CPNE8: variants seen among roughly 807,000 people sequenced by gnomAD.
CPNE8 encodes copine-8.
Under a neutral mutation model 81.5 loss-of-function variants are expected in CPNE8, and 45 were observed. That is an observed-to-expected ratio of 0.55 (90% CI 0.44 to 0.71). The LOEUF (loss-of-function observed/expected upper bound fraction) is 0.71. Ranked by LOEUF, CPNE8 falls within the 30% of genes least tolerant of loss-of-function variation. CPNE8 has a pLI of 0.00. For missense variants in CPNE8, 594 were observed against 672.1 expected, an observed-to-expected ratio of 0.88 and a Z score of 1.28; for synonymous variants, 252 against 226.3, an observed-to-expected ratio of 1.11 and a Z score of -1.02.
Position 38,738,847 on chromosome 12 carries a change from T to G in CPNE8, c.723-8489A>C, listed in dbSNP as rs539179600. ...TTTTTTTTTTGAGACAGGGTCTTGC[T>G]CTGTTGCCCATACTGGAATGCAGTG... On this transcript the variant is annotated intron_variant, in intron 10 of 19. Coordinates refer to ENST00000331366, the MANE Select transcript of CPNE8 (RefSeq NM_153634.3). Among the ~76,000 whole-genome samples the G allele has an allele frequency of 3.4e-5, 5 of 147,916 alleles. No individual in the cohort carries two copies. In the East Asian group the frequency reaches 9.9e-4, roughly 29 times the overall value.
At chr12:38,745,105 G>T (rs1342520765) in intron 10 of CPNE8, among the ~76,000 whole-genome samples, 1 of 152,092 alleles carries the variant, frequency 6.6e-6, no homozygotes, top group African/African-American at 2.4e-5. Flanking sequence ...GTCATTACAG[G>T]CCTTCCACCA....
intron 6 of CPNE8, among the ~76,000 whole-genome samples, chr12:38,806,832 A>T (rs892203507): frequency 6.7e-6 from 1 of 149,934 alleles, no homozygotes; most frequent in Non-Finnish European, 1.5e-5. Context: ...TGCAGATGAC[A>T]TGCTGGTATA....
At chr12:38,832,887 A>C (rs1251330730) in intron 5 of CPNE8, among the ~76,000 whole-genome samples, 2 of 152,222 alleles carry the variant, frequency 1.3e-5, no homozygotes, top group Admixed American at 6.5e-5. Flanking sequence ...TAAAAAAGCA[A>C]GAATTTGTCT....
chr12:38,795,489 G>T (rs1430118057), intron 6 of CPNE8, among the ~76,000 whole-genome samples: 1 of 152,114 alleles, frequency 6.6e-6, no homozygotes, highest in Non-Finnish European at 1.5e-5. Context: ...TCTATCCACA[G>T]ATGAATGAAT....
intron 3 of CPNE8, among the ~76,000 whole-genome samples, chr12:38,849,106 TA>T (rs1333942072): frequency 2.0e-5 from 3 of 152,202 alleles, no homozygotes; most frequent in Admixed American, 2.0e-4. Context: ...TGCCGTTTAT[TA>T]GCCATGTTTT....
intron 6 of CPNE8, among the ~76,000 whole-genome samples, chr12:38,809,345 G>C (rs1262374088): frequency 1.3e-5 from 2 of 152,148 alleles, no homozygotes; most frequent in Non-Finnish European, 1.5e-5. Flanking sequence ...CAACAAGTAG[G>C]TTGAGTGCCT....
chr12:38,715,545 C>T (rs946391509), intron 13 of CPNE8, among the ~76,000 whole-genome samples: 4 of 151,832 alleles, frequency 2.6e-5, no homozygotes, highest in Non-Finnish European at 4.4e-5. Flanking sequence ...GAAAAACATA[C>T]GATCATCTCA....
intron 6 of CPNE8, among the ~76,000 whole-genome samples, chr12:38,798,210 T>A (rs1385297890): frequency 6.6e-6 from 1 of 152,054 alleles, no homozygotes; most frequent in African/African-American, 2.4e-5. Flanking sequence ...GCCACAAAGA[T>A]ACTCCTTGAG....
intron 13 of CPNE8, among the ~76,000 whole-genome samples, chr12:38,712,649 T>C (rs1253791870): frequency 1.3e-5 from 2 of 152,192 alleles, no homozygotes; most frequent in Non-Finnish European, 2.9e-5. Flanking sequence ...GCCTCCAAAA[T>C]AAGTAGTATC....
intron 1 of CPNE8, among the ~76,000 whole-genome samples, chr12:38,880,875 AG>A (rs2137120896): frequency 6.6e-6 from 1 of 152,236 alleles, no homozygotes; most frequent in South Asian, 2.1e-4. Flanking sequence ...TTCTATAGCA[AG>A]GGGAGCCAAA....
At chr12:38,677,691 A>G (rs1032479109) in intron 16 of CPNE8, 137 bp from the exon 17 acceptor site, 11 of 608,518 alleles carry the variant, frequency 1.8e-5, no homozygotes, top group Non-Finnish European at 3.2e-5. Flanking sequence ...TCTTATGCAA[A>G]CTTTCAAATA....
chr12:38,691,249 A>G (rs892790491), intron 15 of CPNE8, among the ~76,000 whole-genome samples: 3 of 152,154 alleles, frequency 2.0e-5, no homozygotes, highest in Non-Finnish European at 4.4e-5. Flanking sequence ...GTCCTTTGGG[A>G]CAATGGTTAA....
At chr12:38,827,609 T>C (rs918811885) in intron 6 of CPNE8, among the ~76,000 whole-genome samples, 3 of 152,160 alleles carry the variant, frequency 2.0e-5, no homozygotes, top group African/African-American at 7.2e-5. Context: ...TAAAATGTGG[T>C]AAATATACAA....
chr12:38,902,260 GAAAGAAAGAA>G (rs1565669773), intron 1 of CPNE8, among the ~76,000 whole-genome samples: 6 of 45,126 alleles, frequency 1.3e-4, no homozygotes, highest in Non-Finnish European at 3.5e-4. Context: ...AAAGAAAAAA[GAAAGAAAGAA>G]AAAGAAAAGA....
At chr12:38,807,910 AAAAC>A (rs1353634971) in intron 6 of CPNE8, among the ~76,000 whole-genome samples, 2 of 151,798 alleles carry the variant, frequency 1.3e-5, no homozygotes, top group Non-Finnish European at 2.9e-5. Context: ...TTACAAGAAA[AAAAC>A]AAACAACCCC....
At chr12:38,710,268 C>CAAAAAAAAAAAAAAA (rs57376063) in intron 13 of CPNE8, among the ~76,000 whole-genome samples, 18 of 50,282 alleles carry the variant, frequency 3.6e-4, no homozygotes, top group East Asian at 6.5e-4. Context: ...AATAAGCTAA[C>CAAAAAAAAAAAAAAA]AAAAAAAAAA....
chr12:38,659,637 A>G (rs962638821), intron 19 of CPNE8, among the ~76,000 whole-genome samples: 10 of 152,236 alleles, frequency 6.6e-5, no homozygotes, highest in Admixed American at 2.0e-4. Context: ...AATTGACCAC[A>G]GAGTTGGAAG....
chr12:38,699,784 T>C (rs1939894546), intron 14 of CPNE8, among the ~76,000 whole-genome samples: 2 of 152,314 alleles, frequency 1.3e-5, no homozygotes, highest in Middle Eastern at 6.8e-3. Flanking sequence ...AGAAGAAGAA[T>C]TGCTAGTTAA....
intron 10 of CPNE8, among the ~76,000 whole-genome samples, chr12:38,755,652 C>T (rs1307735305): frequency 6.6e-6 from 1 of 152,126 alleles, no homozygotes; most frequent in Non-Finnish European, 1.5e-5. Context: ...TGTGGTTTAA[C>T]TTGTTGAAAA....
Sources: gnomAD v4.1 joint callset for allele counts (sites outside exome capture counted in the v4.1 genomes callset) on GRCh38, gnomAD v4.1.1 for gene constraint, MANE v1.5 for transcripts, NCBI Gene and HGNC (gene_info 2026-07-23, HGNC 2026-07-21) for gene names.